Variants in PRKCE observed in about 807,000 individuals in gnomAD.
PRKCE encodes the protein protein kinase C epsilon.
Under a neutral mutation model 85.4 loss-of-function variants are expected in PRKCE, and 16 were observed. The observed-to-expected ratio is 0.19, with a 90% confidence interval of 0.13 to 0.28. PRKCE has a LOEUF of 0.28. PRKCE is among the 10% of genes least tolerant of loss of function. PRKCE has a pLI of 1.00. For synonymous variants in PRKCE, 388 were observed against 371.5 expected (o/e 1.04, Z -0.51); for missense variants, 573 against 975.2 (o/e 0.59, Z 5.49).
chr2:45,960,859 C>A (rs1701326571), intron 2 of PRKCE, among the ~76,000 whole-genome samples: 2 of 152,160 alleles, frequency 1.3e-5, no homozygotes, highest in Non-Finnish European at 2.9e-5. Context: ...CTTTCTGCCC[C>A]CCAGTTTTCC....
chr2:45,998,549 G>T (rs1285106959), intron 6 of PRKCE, among the ~76,000 whole-genome samples: 2 of 152,056 alleles, frequency 1.3e-5, no homozygotes, highest in Admixed American at 6.6e-5. Flanking sequence ...TGTCTTTAAG[G>T]TGGGTTTCTT....
chr2:45,673,296 C>T (rs138219630), intron 1 of PRKCE, among the ~76,000 whole-genome samples: 1 of 152,288 alleles, frequency 6.6e-6, no homozygotes, highest in African/African-American at 2.4e-5. Flanking sequence ...CATTCACACT[C>T]AAAAACGAAT....
intron 1 of PRKCE, among the ~76,000 whole-genome samples, chr2:45,839,434 T>A (rs1691167717): frequency 6.6e-6 from 1 of 152,094 alleles, no homozygotes; most frequent in African/African-American, 2.4e-5. Context: ...GCTGGGAAGA[T>A]GTGTTAAGTT....
chr2:45,804,069 G>A (rs150007066), intron 1 of PRKCE, among the ~76,000 whole-genome samples: 85 of 152,324 alleles, frequency 5.6e-4, no homozygotes, highest in African/African-American at 2.0e-3. Context: ...TGGGTTGCCT[G>A]GGCTATCTGT....
intron 10 of PRKCE, among the ~76,000 whole-genome samples, chr2:46,020,839 A>T (rs1706589257): frequency 6.6e-6 from 1 of 152,226 alleles, no homozygotes. Context: ...GATAAAGAGG[A>T]AGGAGAGACG....
intron 1 of PRKCE, among the ~76,000 whole-genome samples, chr2:45,721,712 C>CA (rs1680635624): frequency 6.6e-6 from 1 of 151,788 alleles, no homozygotes; most frequent in African/African-American, 2.4e-5. Flanking sequence ...CCCATCTCCA[C>CA]AAAAAAATTA....
chr2:46,108,709 T>A (rs1446511280), intron 11 of PRKCE, among the ~76,000 whole-genome samples: 1 of 152,238 alleles, frequency 6.6e-6, no homozygotes, highest in African/African-American at 2.4e-5. Flanking sequence ...AAAGTCCAAC[T>A]GATCAATTGT....
In PRKCE at chr2:46,159,970, G is replaced by C; in HGVS notation, c.2067+218G>C. On this transcript the variant is annotated intron_variant, in intron 14 of 14. Transcript: ENST00000306156. The surrounding 1 kb of genome is among the most constrained non-coding windows in gnomAD (Gnocchi z 4.1). Reference sequence around the variant, plus strand: ...CTACTACAGCAGCACCCAAGATGATGATTTACGTGGGCCACAGAACACCTT... The same window carrying C: ...CTACTACAGCAGCACCCAAGATGATCATTTACGTGGGCCACAGAACACCTT... The C allele has an allele frequency of 2.0e-6, 1 of 510,326 alleles. No individual in the cohort carries two copies. Among genetic ancestry groups the C allele is most frequent in the Non-Finnish European group, 3.4e-6 (1 of 297,946 alleles). The allele number at this position is 510,326 out of a possible 1,614,324, so 31.6% of individuals were successfully genotyped here.
chr2:45,854,940 C>T (rs1331558536), intron 2 of PRKCE, among the ~76,000 whole-genome samples: 4 of 152,178 alleles, frequency 2.6e-5, no homozygotes, highest in African/African-American at 7.2e-5. Context: ...TGGAAAAAGT[C>T]TCCAATAAGC....
At chr2:45,962,915 G>C (rs201500234) in intron 2 of PRKCE, among the ~76,000 whole-genome samples, 1 of 148,454 alleles carries the variant, frequency 6.7e-6, no homozygotes, top group African/African-American at 2.5e-5. Context: ...TCCATGTGCA[G>C]AGTTTTGGTC....
chr2:46,063,627 T>C (rs1240677925), intron 10 of PRKCE, among the ~76,000 whole-genome samples: 1 of 152,176 alleles, frequency 6.6e-6, no homozygotes, highest in Non-Finnish European at 1.5e-5. Flanking sequence ...TTTTCCCTTG[T>C]ATTTGAAAAT....
rs991358472 is a variant in PRKCE at position 46,004,444 on chromosome 2, C to T, written c.967-98C>T. On this transcript the variant is annotated intron_variant, in intron 7 of 14. Transcript: ENST00000306156. The surrounding 1 kb of genome is among the most constrained non-coding windows in gnomAD (Gnocchi z 4.1). ...TACTGAATTCCTGCTGCTCTGGGAA[C>T]TCTCATGGCTCTTATACGGCATCTT... 4.0e-6 allele frequency: 4 copies of T among 997,604 alleles called. No homozygotes were observed. Among genetic ancestry groups the T allele is most frequent in the African/African-American group, 1.6e-5 (1 of 62,354 alleles). The allele number at this position is 997,604 out of a possible 1,614,324, so 61.8% of individuals were successfully genotyped here.
intron 10 of PRKCE, among the ~76,000 whole-genome samples, chr2:46,020,041 G>A (rs1706515373): frequency 1.3e-5 from 2 of 151,936 alleles, no homozygotes; most frequent in African/African-American, 4.8e-5. Context: ...GTAGAAATGG[G>A]GTTTTACCAT....
chr2:45,772,874 G>A (rs144364818), intron 1 of PRKCE, among the ~76,000 whole-genome samples: 1 of 152,238 alleles, frequency 6.6e-6, no homozygotes, highest in African/African-American at 2.4e-5. Context: ...GAGACTATGT[G>A]CTGTACCCGT....
chr2:45,692,872 T>C (rs1398415841), intron 1 of PRKCE, among the ~76,000 whole-genome samples: 1 of 152,172 alleles, frequency 6.6e-6, no homozygotes, highest in Non-Finnish European at 1.5e-5. Context: ...AGTGGAATTT[T>C]AGTTGTAGAG....
intron 11 of PRKCE, among the ~76,000 whole-genome samples, chr2:46,096,700 C>A (rs1670713889): frequency 6.6e-6 from 1 of 152,120 alleles, no homozygotes; most frequent in Non-Finnish European, 1.5e-5. Flanking sequence ...AAAATAAATT[C>A]CTGTTAAGTC....
intron 5 of PRKCE, among the ~76,000 whole-genome samples, chr2:45,983,331 C>T (rs1703042655): frequency 6.6e-6 from 1 of 152,152 alleles, no homozygotes; most frequent in Admixed American, 6.5e-5. Context: ...GAGCTGAGGC[C>T]CAGCTTTGCC....
intron 10 of PRKCE, among the ~76,000 whole-genome samples, chr2:46,028,834 C>G (rs1707314411): frequency 6.6e-6 from 1 of 152,158 alleles, no homozygotes; most frequent in Non-Finnish European, 1.5e-5. Context: ...CCACAGGCCC[C>G]AGTGCATGTT....
At chr2:45,723,601 C>CTTTTG (rs10642067) in intron 1 of PRKCE, among the ~76,000 whole-genome samples, 22,170 of 151,756 alleles carry the variant, frequency 0.15, 1,716 homozygotes, top group Non-Finnish European at 0.17. Flanking sequence ...AATACATGTT[C>CTTTTG]TTTTGTTTTG....
Sources: allele counts gnomAD v4.1 joint callset (sites outside exome capture counted in the v4.1 genomes callset), GRCh38; gene constraint gnomAD v4.1.1; non-coding constraint Gnocchi (gnomAD v3.1); transcripts MANE v1.5; gene names NCBI Gene and HGNC (gene_info 2026-07-23, HGNC 2026-07-21).